Variants in ATXN1 observed in about 807,000 individuals in gnomAD.
ATXN1 encodes the protein ataxin 1, also known as ataxin-1.
In ATXN1, 8 loss-of-function variants were observed where a neutral mutation model predicts 56.4. That is an observed-to-expected ratio of 0.14 (90% confidence interval 0.08 to 0.26). The LOEUF (loss-of-function observed/expected upper bound fraction) is 0.26, where lower values mean the gene tolerates loss of function less well. ATXN1 is among the 10% of genes least tolerant of loss of function. The probability of loss-of-function intolerance (pLI) is 1.00; values close to 1 mark genes in which losing one functional copy is unlikely to be tolerated. For synonymous variants in ATXN1, 514 were observed against 494.6 expected, an observed-to-expected ratio of 1.04 and a Z score of -0.52; for missense variants, 987 against 1,106.5, an observed-to-expected ratio of 0.89 and a Z score of 1.53.
intron 4 of ATXN1, among the ~76,000 whole-genome samples, chr6:16,526,918 A>G (rs893623953): frequency 7.9e-5 from 12 of 152,062 alleles, no homozygotes; most frequent in Non-Finnish European, 1.5e-5. Context: ...TTTCAGCCCA[A>G]TCATGGTAGA....
intron 2 of ATXN1, among the ~76,000 whole-genome samples, chr6:16,661,812 G>A (rs942692761): frequency 5.3e-5 from 8 of 152,148 alleles, no homozygotes; most frequent in African/African-American, 1.9e-4. Flanking sequence ...TATGTGAGTG[G>A]ATTTGGAAGC....
chr6:16,605,987 A>G (rs1268278311), intron 3 of ATXN1, among the ~76,000 whole-genome samples: 1 of 152,046 alleles, frequency 6.6e-6, no homozygotes, highest in Non-Finnish European at 1.5e-5. Context: ...AAAATTAGCC[A>G]GGTGTGGTGG....
intron 6 of ATXN1, among the ~76,000 whole-genome samples, chr6:16,469,831 C>T (rs907267997): frequency 4.6e-5 from 7 of 151,822 alleles, no homozygotes; most frequent in Admixed American, 3.3e-4. Flanking sequence ...GGTGTGGTGG[C>T]GGGCACCTGT....
At chr6:16,446,957 T>C (rs971037397) in intron 6 of ATXN1, among the ~76,000 whole-genome samples, 3 of 152,224 alleles carry the variant, frequency 2.0e-5, no homozygotes, top group African/African-American at 4.8e-5. Flanking sequence ...AAAAAGTGAT[T>C]TGAACTCAGC....
At chr6:16,475,200 A>C (rs923861774) in intron 6 of ATXN1, among the ~76,000 whole-genome samples, 1 of 152,194 alleles carries the variant, frequency 6.6e-6, no homozygotes, top group Non-Finnish European at 1.5e-5. Context: ...ATTCTGACAA[A>C]TGTGTCACCT....
Position 16,694,546 on chromosome 6 carries a change from G to A in ATXN1, c.-614-36645C>T, listed in dbSNP as rs368731343. ...TAACAAAATAATGAAAGGCTAAACC[G>A]TATTATGGTTGTAAAAGCACAGTTA... On this transcript the variant is annotated intron_variant, in intron 2 of 7. Transcript: ENST00000436367. 5.3e-5 allele frequency among the ~76,000 whole-genome samples: 8 copies of A among 152,244 alleles called. No homozygotes were observed. In the East Asian group the frequency reaches 9.6e-4, roughly 18 times the overall value.
chr6:16,693,280 T>C (rs1044144414), intron 2 of ATXN1, among the ~76,000 whole-genome samples: 1 of 152,192 alleles, frequency 6.6e-6, no homozygotes, highest in African/African-American at 2.4e-5. Context: ...TGATCTACTG[T>C]ATGAGCTTAG....
chr6:16,389,505 G>A lies in ATXN1; in HGVS notation c.-160-61035C>T, dbSNP rs1274680048. On this transcript the variant is annotated intron_variant, in intron 6 of 7. Transcript: ENST00000436367. ...TTCATTTGACTTCCTTTTGCCTTGA[G>A]AGTCCTTAATTTTCTTGTCTTCTTT... is the stretch of plus-strand genomic sequence containing the variant. Among the ~76,000 whole-genome samples, 3 of 152,206 alleles carry A rather than the reference G, an allele frequency of 2.0e-5. No homozygotes were observed. The East Asian group carries it at 5.8e-4, about 29-fold the overall frequency.
intron 6 of ATXN1, among the ~76,000 whole-genome samples, chr6:16,330,122 AC>A (rs1029141202): frequency 2.7e-4 from 41 of 152,234 alleles, no homozygotes; most frequent in African/African-American, 9.4e-4. Context: ...TGCTATGTTA[AC>A]CAGGCTGGTC....
intron 6 of ATXN1, among the ~76,000 whole-genome samples, chr6:16,456,583 C>A (rs1228347609): frequency 2.0e-5 from 3 of 152,300 alleles, no homozygotes; most frequent in Non-Finnish European, 2.9e-5. Context: ...GTTGGCCCTG[C>A]AGCCATGAGC....
intron 7 of ATXN1, among the ~76,000 whole-genome samples, chr6:16,324,350 T>C (rs935428585): frequency 6.6e-6 from 1 of 151,618 alleles, no homozygotes; most frequent in African/African-American, 2.4e-5. Context: ...ACTAGGGAGG[T>C]TGGGGTGGGA....
At chr6:16,580,144 T>A (rs970487309) in intron 4 of ATXN1, among the ~76,000 whole-genome samples, 2 of 152,206 alleles carry the variant, frequency 1.3e-5, no homozygotes, top group Non-Finnish European at 2.9e-5. Context: ...TGATTCACTA[T>A]TTGAACACTG....
At chr6:16,576,887 G>T (rs1262535677) in intron 4 of ATXN1, among the ~76,000 whole-genome samples, 1 of 152,132 alleles carries the variant, frequency 6.6e-6, no homozygotes, top group Non-Finnish European at 1.5e-5. Flanking sequence ...ACTTCCTTTT[G>T]CTTTTATAGG....
At position 16,310,053 on chromosome 6, in the gene ATXN1, CA is replaced by C; in HGVS notation, c.1918-3195del. On this transcript the variant is annotated intron_variant, in intron 7 of 7. Transcript: ENST00000436367. ...TTCCATCACACTCTAGACTGGGCGACAATAGAGAAACTCCATTAAAAAAAAA... is the reference window on the plus strand; with the variant it reads ...TTCCATCACACTCTAGACTGGGCGACATAGAGAAACTCCATTAAAAAAAAA... 4.2e-5 allele frequency among the ~76,000 whole-genome samples: 6 copies of C among 142,698 alleles called. 2 individuals carry two copies. In the Middle Eastern group the frequency reaches 0.023, roughly 545 times the overall value. The allele number at this position is 142,698 out of a possible 152,430, so 93.6% of individuals were successfully genotyped here. A position where few individuals can be genotyped will look rare whatever the true frequency, so the allele number is the denominator to read the frequency against.
At chr6:16,616,475 G>C (rs1763210866) in intron 3 of ATXN1, among the ~76,000 whole-genome samples, 1 of 150,142 alleles carries the variant, frequency 6.7e-6, no homozygotes, top group South Asian at 2.1e-4. Flanking sequence ...GGGAGGCAGA[G>C]GCTGCAGGGA....
chr6:16,686,333 A>G (rs1403529302), intron 2 of ATXN1, among the ~76,000 whole-genome samples: 1 of 152,234 alleles, frequency 6.6e-6, no homozygotes, highest in East Asian at 1.9e-4. Flanking sequence ...TATAAAAAAA[A>G]GAGGTCATTT....
At chr6:16,347,335 C>T (rs942763002) in intron 6 of ATXN1, among the ~76,000 whole-genome samples, 1 of 152,222 alleles carries the variant, frequency 6.6e-6, no homozygotes, top group African/African-American at 2.4e-5. Flanking sequence ...TTATGTCTAG[C>T]TAAGGGATTT....
At chr6:16,375,666 T>C (rs1251286816) in intron 6 of ATXN1, among the ~76,000 whole-genome samples, 3 of 152,190 alleles carry the variant, frequency 2.0e-5, no homozygotes, top group African/African-American at 7.2e-5. Flanking sequence ...GCTTGTATCT[T>C]TATTTTTTTT....
chr6:16,650,507 G>T (rs1282562249), intron 3 of ATXN1, among the ~76,000 whole-genome samples: 1 of 152,168 alleles, frequency 6.6e-6, no homozygotes, highest in Non-Finnish European at 1.5e-5. Context: ...TTGTGGATAG[G>T]CATAGATTTT....
Sources: gnomAD v4.1 joint callset for allele counts (sites outside exome capture counted in the v4.1 genomes callset) on GRCh38, gnomAD v4.1.1 for gene constraint, MANE v1.5 for transcripts, NCBI Gene and HGNC (gene_info 2026-07-23, HGNC 2026-07-21) for gene names.